PSG3: variants seen among roughly 807,000 people sequenced by gnomAD.
PSG3 encodes pregnancy-specific beta-1-glycoprotein 3.
In PSG3, 61 loss-of-function variants were observed where a neutral mutation model predicts 47.5. The observed-to-expected ratio is 1.28, with a 90% CI of 1.05 to 1.59. PSG3 has a LOEUF of 1.59. PSG3 is among the 40% of genes most tolerant of loss of function. The pLI is 0.00. For missense variants in PSG3, 756 were observed against 524.0 expected, an observed-to-expected ratio of 1.44 and a Z score of -4.32; for synonymous variants, 263 against 198.4, an observed-to-expected ratio of 1.33 and a Z score of -2.74.
chr19:42,736,211 G>T (rs186474569), intron 2 of PSG3, among the ~76,000 whole-genome samples: 1 of 152,150 alleles, frequency 6.6e-6, no homozygotes, highest in African/African-American at 2.4e-5. Context: ...CTCAAATGTC[G>T]TTGGGCCAGA....
chr19:42,728,514 G>A (rs967618618), intron 5 of PSG3, among the ~76,000 whole-genome samples: 8 of 152,174 alleles, frequency 5.3e-5, no homozygotes, highest in Non-Finnish European at 8.8e-5. Context: ...CTGGCCCGGG[G>A]GAGGCTTGGC....
At position 42,733,538 on chromosome 19, in the gene PSG3, A is replaced by T. The variant is rs2353145; in HGVS notation, c.431-476T>A. ...TTCCAATTGTCTTTAAACCCTTTGG[A>T]TACTGGAAAGCCTGACCTGGGACTG... is the stretch of plus-strand genomic sequence containing the variant. On this transcript the variant is annotated intron_variant, in intron 2 of 6. Transcript: ENST00000327495. The T allele has an allele frequency of 2.9e-5, 5 of 170,962 alleles. No homozygotes were observed. In the East Asian group the frequency reaches 7.3e-4, roughly 25 times the overall value. 10.6% of individuals were successfully genotyped at this position (170,962 alleles called of 1,614,324 possible). A position where few individuals can be genotyped will look rare whatever the true frequency, so the allele number is the denominator to read the frequency against.
In PSG3 at chr19:42,722,503, C is replaced by T. The variant is rs369989927; in HGVS notation, c.*41-413G>A. On this transcript the variant is annotated intron_variant, in intron 6 of 6. Transcript: ENST00000327495. Reference sequence around the variant, plus strand: ...TCTCCTGACCTTGTGATCCGCCCACCTCGGCCTCCCAAAGTGCTGGGATGA... The same window carrying T: ...TCTCCTGACCTTGTGATCCGCCCACTTCGGCCTCCCAAAGTGCTGGGATGA... Among the ~76,000 whole-genome samples, 12 of 152,322 alleles carry T rather than the reference C, an allele frequency of 7.9e-5. No homozygotes were observed. The East Asian group carries it at 1.4e-3, about 17-fold the overall frequency.
At chr19:42,722,693 A>G (rs1462118224) in intron 6 of PSG3, among the ~76,000 whole-genome samples, 2 of 152,250 alleles carry the variant, frequency 1.3e-5, no homozygotes, top group South Asian at 4.2e-4. Flanking sequence ...CTGTTTGTTA[A>G]CTGGATTACT....
At chr19:42,725,393 A>G (rs1969360428) in intron 5 of PSG3, among the ~76,000 whole-genome samples, 1 of 152,122 alleles carries the variant, frequency 6.6e-6, no homozygotes, top group African/African-American at 2.4e-5. Flanking sequence ...AGCACAGTGA[A>G]TGAGGGAAAA....
chr19:42,729,848 T>C lies in PSG3; in HGVS notation c.918A>G (p.Gly306=). 6.2e-7 allele frequency: 1 copy of C among 1,613,368 alleles called. No individual in the cohort carries two copies. Among genetic ancestry groups the C allele is most frequent in the Non-Finnish European group, 8.5e-7 (1 of 1,179,844 alleles). The change falls in exon 4 of 7, where the codon GGA becomes GGG. Residue 306 remains glycine (G), a synonymous_variant. Transcript: ENST00000327495. ...ILPSVTRNET[G]PYQCEIQDRY... ...GGTCCTGTATTTCACATTGATAGGG[T>C]CCTGTTTCATTTCTCGTGACACTGG...
intron 5 of PSG3, among the ~76,000 whole-genome samples, chr19:42,725,156 A>G (rs997533213): frequency 3.3e-5 from 5 of 152,142 alleles, no homozygotes; most frequent in African/African-American, 1.2e-4. Flanking sequence ...CATTGGTTCC[A>G]CTGTGTGTGG....
chr19:42,725,959 T>G (rs1446508814), intron 5 of PSG3, among the ~76,000 whole-genome samples: 1 of 149,448 alleles, frequency 6.7e-6, no homozygotes, highest in Non-Finnish European at 1.5e-5. Context: ...AACTAATGAT[T>G]ATGAAAGTAC....
intron 5 of PSG3, among the ~76,000 whole-genome samples, chr19:42,726,026 A>G (rs533116140): frequency 6.6e-5 from 10 of 152,152 alleles, no homozygotes; most frequent in Non-Finnish European, 1.0e-4. Flanking sequence ...ACAAACCCCT[A>G]GAAACACACA....
At position 42,730,627 on chromosome 19, in the gene PSG3, G is replaced by C. The variant is rs1359240130; in HGVS notation, c.710-571C>G. Among the ~76,000 whole-genome samples, 3 of 152,348 alleles carry C rather than the reference G, an allele frequency of 2.0e-5. No individual in the cohort carries two copies. The East Asian group carries it at 5.8e-4, about 29-fold the overall frequency. On this transcript the variant is annotated intron_variant, in intron 3 of 6. Coordinates refer to ENST00000327495, the MANE Select transcript of PSG3 (RefSeq NM_021016.4). ...GCCTGGAGGTCAGTTCAGTCATCAGGCAGTGGAGGCTCAAGGTGGGGCAGT... is the reference window on the plus strand; with the variant it reads ...GCCTGGAGGTCAGTTCAGTCATCAGCCAGTGGAGGCTCAAGGTGGGGCAGT...
chr19:42,735,924 A>T (rs1223903286), intron 2 of PSG3, among the ~76,000 whole-genome samples: 1 of 152,218 alleles, frequency 6.6e-6, no homozygotes, highest in Non-Finnish European at 1.5e-5. Context: ...AGATTACAAC[A>T]GTGACAGCAA....
At chr19:42,730,733 G>C (rs1052554069) in intron 3 of PSG3, among the ~76,000 whole-genome samples, 6 of 152,250 alleles carry the variant, frequency 3.9e-5, no homozygotes, top group African/African-American at 1.2e-4. Context: ...GATCTAGAAA[G>C]AGTGAAGGTG....
At chr19:42,725,359 T>C (rs1341179157) in intron 5 of PSG3, among the ~76,000 whole-genome samples, 6 of 151,820 alleles carry the variant, frequency 4.0e-5, no homozygotes, top group Non-Finnish European at 2.9e-5. Flanking sequence ...CTTCAGGATA[T>C]GAAAGAAGAA....
rs562273957 is a variant in PSG3, at chr19:42,721,752, A to G, written c.*379T>C. ...GCAAATGTTTCAATTTTTGTTTACA[A>G]AAGTATACTTTACCAATTGCTGAAG... On this transcript the variant is annotated 3_prime_UTR_variant, in exon 7 of 7. Transcript: ENST00000327495. 2.5e-6 allele frequency: 1 copy of G among 398,564 alleles called. No individual in the cohort carries two copies. Among genetic ancestry groups the G allele is most frequent in the Non-Finnish European group, 4.5e-6 (1 of 221,836 alleles). 24.7% of individuals were successfully genotyped at this position (398,564 alleles called of 1,614,324 possible). A position where few individuals can be genotyped will look rare whatever the true frequency, so the allele number is the denominator to read the frequency against.
intron 6 of PSG3, among the ~76,000 whole-genome samples, chr19:42,722,738 A>C (rs1023665249): frequency 6.6e-6 from 1 of 152,192 alleles, no homozygotes; most frequent in Non-Finnish European, 1.5e-5. Context: ...AAATAGGGCC[A>C]AAAAAGTATA....
At chr19:42,732,648 A>T (rs1481783203) in intron 3 of PSG3, 136 bp downstream of exon 3, 4 of 1,597,428 alleles carry the variant, frequency 2.5e-6, no homozygotes, top group Non-Finnish European at 3.4e-6. Flanking sequence ...TGCCTGGGGC[A>T]GAAAGTCATG....
At chr19:42,735,783 G>T (rs1969553777) in intron 2 of PSG3, among the ~76,000 whole-genome samples, 1 of 152,224 alleles carries the variant, frequency 6.6e-6, no homozygotes, top group African/African-American at 2.4e-5. Flanking sequence ...AAGTCTCTAG[G>T]AAGTGACCGG....
At position 42,739,065 on chromosome 19, in the gene PSG3, A is replaced by G. The variant is rs12185496; in HGVS notation, c.89T>C (p.Leu30Ser). 0.56 allele frequency: 891,282 copies of G among 1,587,022 alleles called. 257,768 individuals are homozygous for G. The highest frequency in any genetic ancestry group is 0.85 in the African/African-American group (62,742 of 74,036). The change falls in exon 2 of 7, where the codon TTG (leucine) becomes TCG (serine). Residue 30 changes from leucine to serine, a missense_variant. Coordinates refer to ENST00000327495, the MANE Select transcript of PSG3 (RefSeq NM_021016.4). ...LTALLLNFWN[L>S]PTTAQVTIEA... is the part of the protein sequence containing the mutation. ...AATCGTGACTTGGGCAGTGGTAGGCAAGTTCCAGAAGTTTAAAAGTAATGC... is the reference window on the plus strand; with the variant it reads ...AATCGTGACTTGGGCAGTGGTAGGCGAGTTCCAGAAGTTTAAAAGTAATGC...
chr19:42,735,421 C>A (rs1187563770), intron 2 of PSG3, among the ~76,000 whole-genome samples: 4 of 151,948 alleles, frequency 2.6e-5, no homozygotes, highest in Admixed American at 6.6e-5. Context: ...GGCTGGAGTG[C>A]AGTGGCATGA....
Sources: allele counts gnomAD v4.1 joint callset (sites outside exome capture counted in the v4.1 genomes callset), GRCh38; gene constraint gnomAD v4.1.1; transcripts MANE v1.5; gene names NCBI Gene and HGNC (gene_info 2026-07-23, HGNC 2026-07-21).